The following GLCE variants were observed in gnomAD, a reference collection of about 807,000 sequenced individuals.
GLCE encodes the protein D-glucuronyl C5-epimerase.
In GLCE, 19 loss-of-function variants were observed where a neutral mutation model predicts 47.9. The observed-to-expected ratio is 0.40, with a 90% CI of 0.28 to 0.58. The LOEUF (loss-of-function observed/expected upper bound fraction) is 0.58, where lower values mean the gene tolerates loss of function less well. Among genes scored for constraint, GLCE ranks in the 20% least tolerant of loss-of-function variants. The pLI is 0.48. For synonymous variants in GLCE, 245 were observed against 263.4 expected (o/e 0.93, Z 0.68); for missense variants, 556 against 743.3 (o/e 0.75, Z 2.93).
chr15:69,241,926 A>G (rs549801145), intron 2 of GLCE, among the ~76,000 whole-genome samples: 45 of 152,310 alleles, frequency 3.0e-4, no homozygotes, highest in African/African-American at 1.1e-3. Flanking sequence ...ATGAGACTTA[A>G]TTATCTGGAT....
At chr15:69,243,820 A>T (rs35810867) in intron 2 of GLCE, among the ~76,000 whole-genome samples, 86,758 of 137,970 alleles carry the variant, frequency 0.63, 26,003 homozygotes, top group Admixed American at 0.72. Context: ...TAATTTTTTT[A>T]AAAAAAAAGA....
chr15:69,257,666 G>A (rs1268691549), intron 3 of GLCE, among the ~76,000 whole-genome samples: 1 of 152,082 alleles, frequency 6.6e-6, no homozygotes, highest in Admixed American at 6.6e-5. Flanking sequence ...CAAATGTTTA[G>A]AAGAGAGAAG....
intron 1 of GLCE, among the ~76,000 whole-genome samples, chr15:69,176,328 CT>C (rs2051665420): frequency 7.0e-6 from 1 of 143,746 alleles, no homozygotes; most frequent in Non-Finnish European, 1.5e-5. Flanking sequence ...GGTTCAAGCG[CT>C]TCTCCTGCCT....
At chr15:69,244,691 T>C (rs1371503279) in intron 2 of GLCE, among the ~76,000 whole-genome samples, 1 of 152,184 alleles carries the variant, frequency 6.6e-6, no homozygotes, top group African/African-American at 2.4e-5. Flanking sequence ...TGGCTTCAGG[T>C]AAATTACTTA....
At chr15:69,213,492 CAG>C (rs2052261641) in intron 2 of GLCE, among the ~76,000 whole-genome samples, 1 of 152,090 alleles carries the variant, frequency 6.6e-6, no homozygotes, top group Admixed American at 6.6e-5. Context: ...GATTTTGAGA[CAG>C]AATACCACGG....
At chr15:69,222,343 G>T (rs997749122) in intron 2 of GLCE, among the ~76,000 whole-genome samples, 1 of 152,178 alleles carries the variant, frequency 6.6e-6, no homozygotes, top group African/African-American at 2.4e-5. Flanking sequence ...GGTGGTGGAG[G>T]CACCACGGGC....
chr15:69,174,217 T>G (rs1315282328), intron 1 of GLCE, among the ~76,000 whole-genome samples: 1 of 152,276 alleles, frequency 6.6e-6, no homozygotes, highest in Non-Finnish European at 1.5e-5. Context: ...TTAGTCTTGT[T>G]TTAGAAATGT....
chr15:69,261,057 G>T (rs780475023), intron 3 of GLCE, 30 bp from the exon 4 acceptor site: 1 of 1,595,352 alleles, frequency 6.3e-7, no homozygotes, highest in Non-Finnish European at 8.6e-7. Flanking sequence ...GTCTGGATAT[G>T]ATTATTCATT....
At chr15:69,248,444 T>C (rs1301155248) in intron 2 of GLCE, among the ~76,000 whole-genome samples, 2 of 152,216 alleles carry the variant, frequency 1.3e-5, no homozygotes, top group African/African-American at 4.8e-5. Flanking sequence ...TACCCAAATA[T>C]TGGAAAGAAA....
intron 2 of GLCE, among the ~76,000 whole-genome samples, chr15:69,238,990 GA>G (rs2052629728): frequency 1.3e-5 from 2 of 152,324 alleles, no homozygotes; most frequent in South Asian, 4.1e-4. Flanking sequence ...CATGGGGAGA[GA>G]GTGATTAATT....
chr15:69,223,898 T>C (rs1340644482), intron 2 of GLCE, among the ~76,000 whole-genome samples: 1 of 152,206 alleles, frequency 6.6e-6, no homozygotes, highest in African/African-American at 2.4e-5. Flanking sequence ...AGCTCCAGAA[T>C]TTCTCTTTGG....
intron 1 of GLCE, among the ~76,000 whole-genome samples, chr15:69,169,105 C>G (rs2051547117): frequency 6.6e-6 from 1 of 152,144 alleles, no homozygotes; most frequent in South Asian, 2.1e-4. Context: ...TCAAATCATT[C>G]TTTTATGTCT....
intron 1 of GLCE, among the ~76,000 whole-genome samples, chr15:69,187,217 C>T (rs1337553764): frequency 6.6e-6 from 1 of 152,010 alleles, no homozygotes; most frequent in Non-Finnish European, 1.5e-5. Flanking sequence ...TTGAGCTAGT[C>T]ACTGTTATCT....
chr15:69,270,419 C>T lies in GLCE; in HGVS notation c.*1175C>T, dbSNP rs2053149990. 6.6e-6 allele frequency: 1 copy of T among 151,942 alleles called. No individual in the cohort carries two copies. 9.4% of individuals were successfully genotyped at this position (151,942 alleles called of 1,614,324 possible). A position where few individuals can be genotyped will look rare whatever the true frequency, so the allele number is the denominator to read the frequency against. On this transcript the variant is annotated 3_prime_UTR_variant, in exon 5 of 5. Coordinates refer to ENST00000261858, the MANE Select transcript of GLCE (RefSeq NM_015554.3). ...TCTTTATTTAGGTATACATATCCTC[C>T]TATACCGCACATAAATAGATTTCAG...
intron 2 of GLCE, among the ~76,000 whole-genome samples, chr15:69,222,400 C>G (rs575134984): frequency 6.6e-6 from 1 of 152,110 alleles, no homozygotes; most frequent in South Asian, 2.1e-4. Context: ...TGTGTAGGCA[C>G]GACCAGACAG....
At chr15:69,256,441 A>G (rs1242821884) in intron 3 of GLCE, 49 bp downstream of exon 3, 12 of 1,239,292 alleles carry the variant, frequency 9.7e-6, no homozygotes, top group Non-Finnish European at 1.4e-5. Flanking sequence ...GATTGTGTTG[A>G]GGAATAAGAA....
Position 69,238,318 on chromosome 15 carries a change from C to T in GLCE, c.-13-17476C>T, listed in dbSNP as rs77163834. On this transcript the variant is annotated intron_variant, in intron 2 of 4. Transcript: ENST00000261858. ...ATGATACTATGATGTAAAGAACTTA[C>T]ACTTCAAAGCCAGATTAAATCTAGG... Among the ~76,000 whole-genome samples, 965 of 152,204 alleles carry T rather than the reference C, an allele frequency of 6.3e-3. 10 individuals carry two copies. Among genetic ancestry groups the T allele is most frequent in the African/African-American group, 0.022 (923 of 41,528 alleles).
chr15:69,259,319 G>T (rs2052980066), intron 3 of GLCE, among the ~76,000 whole-genome samples: 1 of 152,094 alleles, frequency 6.6e-6, no homozygotes, highest in South Asian at 2.1e-4. Flanking sequence ...TTTTACATAT[G>T]ATTTGTTGGT....
At chr15:69,201,447 A>T (rs1200355618) in intron 1 of GLCE, among the ~76,000 whole-genome samples, 1 of 151,970 alleles carries the variant, frequency 6.6e-6, no homozygotes, top group Non-Finnish European at 1.5e-5. Context: ...CAAGACAGAC[A>T]TAGTATCTGC....
Sources: gnomAD v4.1 joint callset for allele counts (sites outside exome capture counted in the v4.1 genomes callset) on GRCh38, gnomAD v4.1.1 for gene constraint, MANE v1.5 for transcripts, NCBI Gene and HGNC (gene_info 2026-07-23, HGNC 2026-07-21) for gene names.